The following PID1 variants were observed in gnomAD, a reference collection of about 807,000 sequenced individuals.
PID1 encodes PTB-containing, cubilin and LRP1-interacting protein.
Under a neutral mutation model 19.1 loss-of-function variants are expected in PID1, and 10 were observed. The ratio of observed to expected loss-of-function variants is 0.52; its 90% CI spans 0.32 to 0.89. The LOEUF is 0.89. PID1 is among the 40% of genes least tolerant of loss of function. PID1 has a pLI of 0.03. For missense variants in PID1, 248 were observed against 285.3 expected, an observed-to-expected ratio of 0.87 and a Z score of 0.94; for synonymous variants, 130 against 116.0, an observed-to-expected ratio of 1.12 and a Z score of -0.78.
intron 2 of PID1, among the ~76,000 whole-genome samples, chr2:229,143,803 T>C (rs899717646): frequency 6.6e-6 from 1 of 152,110 alleles, no homozygotes; most frequent in African/African-American, 2.4e-5. Context: ...CCTGCTGCTA[T>C]GTAAAATGTG....
At chr2:229,056,546 C>G (rs1694103752) in intron 2 of PID1, among the ~76,000 whole-genome samples, 1 of 136,040 alleles carries the variant, frequency 7.4e-6, no homozygotes, top group Non-Finnish European at 1.7e-5. Context: ...ATAAATAAAT[C>G]TATTTCAAAA....
At chr2:229,175,451 A>C (rs1006260965) in intron 1 of PID1, among the ~76,000 whole-genome samples, 6 of 152,250 alleles carry the variant, frequency 3.9e-5, no homozygotes, top group African/African-American at 1.4e-4. Context: ...ATTTTAAGCA[A>C]GGCTGCTGTT....
At chr2:229,244,759 A>C (rs1689958492) in intron 1 of PID1, 1 of 151,720 alleles carries the variant, frequency 6.6e-6, no homozygotes, top group Admixed American at 6.6e-5. Context: ...AAAACCATGG[A>C]CTCTTCCTTT....
intron 2 of PID1, among the ~76,000 whole-genome samples, chr2:229,057,471 A>C (rs946540570): frequency 6.7e-6 from 1 of 149,500 alleles, no homozygotes; most frequent in East Asian, 1.9e-4. Flanking sequence ...AAAAAAAAAA[A>C]CCTACTAATT....
At chr2:229,194,647 A>C (rs17676442) in intron 1 of PID1, among the ~76,000 whole-genome samples, 15,242 of 152,018 alleles carry the variant, frequency 0.1, 1,008 homozygotes, top group South Asian at 0.25. Flanking sequence ...AAATGAACAT[A>C]ATCCCTATTT....
chr2:229,204,070 T>C (rs12478812), intron 1 of PID1, among the ~76,000 whole-genome samples: 16,152 of 152,050 alleles, frequency 0.11, 1,099 homozygotes, highest in South Asian at 0.26. Flanking sequence ...AAACTAAACT[T>C]GTTTCTCTCT....
intron 1 of PID1, among the ~76,000 whole-genome samples, chr2:229,251,691 A>G (rs549347361): frequency 6.6e-6 from 1 of 152,236 alleles, no homozygotes; most frequent in Non-Finnish European, 1.5e-5. Context: ...AGGCATTAAA[A>G]GCTTCAAATC....
At chr2:229,262,678 C>T (rs985603798) in intron 1 of PID1, 8 of 1,551,032 alleles carry the variant, frequency 5.2e-6, no homozygotes, top group Non-Finnish European at 6.1e-6. Flanking sequence ...AATTTAATCT[C>T]TCACCATTTC....
At chr2:229,149,694 T>C (rs1690207670) in intron 2 of PID1, among the ~76,000 whole-genome samples, 1 of 152,186 alleles carries the variant, frequency 6.6e-6, no homozygotes, top group South Asian at 2.1e-4. Context: ...GTTACCCTCA[T>C]AAATGGGAAG....
intron 2 of PID1, among the ~76,000 whole-genome samples, chr2:229,044,322 G>A (rs950861926): frequency 9.2e-5 from 14 of 151,912 alleles, no homozygotes; most frequent in African/African-American, 3.4e-4. Flanking sequence ...GGAATACAGA[G>A]GCGGATCATT....
At chr2:229,052,513 T>A (rs2106185039) in intron 2 of PID1, among the ~76,000 whole-genome samples, 1 of 151,944 alleles carries the variant, frequency 6.6e-6, no homozygotes, top group East Asian at 1.9e-4. Flanking sequence ...TCTTTCCACC[T>A]AACTGTTATT....
In PID1 at chr2:229,206,311, TA is replaced by T. The variant is rs201416979; in HGVS notation, c.31-50348del. 2.4e-3 allele frequency among the ~76,000 whole-genome samples: 368 copies of T among 152,016 alleles called. 4 individuals are homozygous for T. Among genetic ancestry groups the T allele is most frequent in the African/African-American group, 8.2e-3 (340 of 41,508 alleles). On this transcript the variant is annotated intron_variant, in intron 1 of 2. Coordinates refer to ENST00000392055, the MANE Select transcript of PID1 (RefSeq NM_001100818.2). ...ACTATCAAGACTAATGGTTAATTTTTATTTTTAGCTTTTCAATGTTCATTGA... is the reference window on the plus strand; with the variant it reads ...ACTATCAAGACTAATGGTTAATTTTTTTTTTAGCTTTTCAATGTTCATTGA...
At position 229,098,966 on chromosome 2, in the gene PID1, C is replaced by T. The variant is rs554923135; in HGVS notation, c.177+56852G>A. Among the ~76,000 whole-genome samples, 8 of 152,252 alleles carry T rather than the reference C, an allele frequency of 5.3e-5. No individual in the cohort carries two copies. The South Asian group carries it at 8.3e-4, about 16-fold the overall frequency. ...CCACGCTTCTCTAATACTAAAGAGACGGTGAAGATTTTCTCTTCCTTTTGC... is the reference window on the plus strand; with the variant it reads ...CCACGCTTCTCTAATACTAAAGAGATGGTGAAGATTTTCTCTTCCTTTTGC... On this transcript the variant is annotated intron_variant, in intron 2 of 2. Coordinates refer to ENST00000392055, the MANE Select transcript of PID1 (RefSeq NM_001100818.2).
chr2:229,046,409 G>A (rs1223479796), intron 2 of PID1, among the ~76,000 whole-genome samples: 2 of 150,902 alleles, frequency 1.3e-5, no homozygotes, highest in East Asian at 3.9e-4. Context: ...AGTCAGGAGG[G>A]GGGGAACCAA....
At chr2:229,185,326 C>T (rs1158815953) in intron 1 of PID1, among the ~76,000 whole-genome samples, 1 of 151,924 alleles carries the variant, frequency 6.6e-6, no homozygotes, top group African/African-American at 2.4e-5. Flanking sequence ...TAGATGCCCT[C>T]GCTATACTCC....
chr2:229,165,455 G>C (rs1187367200), intron 1 of PID1, among the ~76,000 whole-genome samples: 1 of 151,720 alleles, frequency 6.6e-6, no homozygotes, highest in Non-Finnish European at 1.5e-5. Context: ...CAAAAAATTA[G>C]CCATAGTTCC....
chr2:229,155,996 T>TTAATCACTTG, intron 1 of PID1, 32 bp from the exon 2 acceptor site: 1 of 1,603,752 alleles, frequency 6.2e-7, no homozygotes, highest in South Asian at 1.1e-5. Flanking sequence ...CACATGTAGT[T>TTAATCACTTG]TAATCACTTG....
chr2:229,124,814 T>C (rs1454767073), intron 2 of PID1, among the ~76,000 whole-genome samples: 2 of 152,240 alleles, frequency 1.3e-5, no homozygotes, highest in East Asian at 3.8e-4. Flanking sequence ...AAGTGACCCC[T>C]GAATGCATTT....
At position 229,267,659 on chromosome 2, in the gene PID1, G is replaced by T. The variant is rs577639036; in HGVS notation, c.30+3355C>A. ...ATCTGGTAGCTCAGTGAAGACATTT[G>T]CTCTGAGAAAATACTTGTTCCTATG... On this transcript the variant is annotated intron_variant, in intron 1 of 2. Transcript: ENST00000392055. Among the ~76,000 whole-genome samples the T allele has an allele frequency of 3.9e-5, 6 of 152,238 alleles. No homozygotes were observed. The East Asian group carries it at 1.2e-3, about 29-fold the overall frequency.
Sources: allele counts gnomAD v4.1 joint callset (sites outside exome capture counted in the v4.1 genomes callset), GRCh38; gene constraint gnomAD v4.1.1; transcripts MANE v1.5; gene names NCBI Gene and HGNC (gene_info 2026-07-23, HGNC 2026-07-21).